The following PCDHGB3 variants were observed in gnomAD, a reference collection of about 807,000 sequenced individuals.
PCDHGB3 encodes protocadherin gamma-B3.
A neutral mutation model predicts 59.2 loss-of-function variants in PCDHGB3; 40 were observed. The ratio of observed to expected loss-of-function variants is 0.68; its 90% CI spans 0.52 to 0.88. The LOEUF is 0.88. Among genes scored for constraint, PCDHGB3 ranks in the 40% least tolerant of loss-of-function variants. The pLI, the probability that PCDHGB3 is intolerant of heterozygous loss-of-function variation, is 0.00. For missense variants in PCDHGB3, 1,309 were observed against 1,187.9 expected (o/e 1.10, Z -1.50); for synonymous variants, 581 against 503.6 (o/e 1.15, Z -2.06).
intron 1 of PCDHGB3, among the ~76,000 whole-genome samples, chr5:141,465,576 C>T (rs1002696285): frequency 6.6e-6 from 1 of 152,136 alleles, no homozygotes; most frequent in Non-Finnish European, 1.5e-5. Context: ...TCTCAAAACA[C>T]TCTCATAATA....
At chr5:141,422,714 C>T (rs2096666670) in intron 1 of PCDHGB3, 1 of 1,603,720 alleles carries the variant, frequency 6.2e-7, no homozygotes, top group South Asian at 1.1e-5. Flanking sequence ...ACGGATGACA[C>T]TGTCCAGGGG....
At chr5:141,451,812 C>T (rs974567828) in intron 1 of PCDHGB3, among the ~76,000 whole-genome samples, 1 of 149,686 alleles carries the variant, frequency 6.7e-6, no homozygotes, top group Non-Finnish European at 1.5e-5. Context: ...ACCCAGGAGG[C>T]GGAGGTTACA....
chr5:141,483,168 C>A (rs750259590), intron 1 of PCDHGB3, among the ~76,000 whole-genome samples: 3 of 152,104 alleles, frequency 2.0e-5, no homozygotes, highest in Non-Finnish European at 4.4e-5. Context: ...CCTGAGTTAC[C>A]TTTGGGCCAA....
At chr5:141,376,453 T>C (rs779136467) in intron 1 of PCDHGB3, 2 of 1,614,048 alleles carry the variant, frequency 1.2e-6, no homozygotes, top group African/African-American at 2.7e-5. Flanking sequence ...AAAGCGAGCC[T>C]CTTCTGATAA....
Position 141,489,601 on chromosome 5 carries a change from G to A in PCDHGB3, c.2416-5206G>A. On this transcript the variant is annotated intron_variant, in intron 1 of 3. Transcript: ENST00000576222. This position sits in a 1 kb window ranked among gnomAD's most constrained non-coding sequence, Gnocchi z 4.5. ...CCCCCTGGAGCTAATCCGTGTAGAG[G>A]TAGAGATCCTGGATCTCAATGACAA... 2 of 1,614,042 alleles carry A rather than the reference G, an allele frequency of 1.2e-6. No individual in the cohort carries two copies. Among genetic ancestry groups the A allele is most frequent in the East Asian group, 4.5e-5 (2 of 44,882 alleles).
chr5:141,450,210 G>T (rs2098673599), intron 1 of PCDHGB3, among the ~76,000 whole-genome samples: 1 of 151,786 alleles, frequency 6.6e-6, no homozygotes. Flanking sequence ...TAGAGACAAG[G>T]TTTCACTATG....
rs369529373 is a variant in PCDHGB3 at position 141,458,890 on chromosome 5, C to T, written c.2416-35917C>T. Among the ~76,000 whole-genome samples, 87 of 152,160 alleles carry T rather than the reference C, an allele frequency of 5.7e-4. 1 individual carries two copies. In the South Asian group the frequency reaches 0.016, roughly 28 times the overall value. ...TGGGACTACAGGCATGCACACCATG[C>T]GCAGCTAATTTTTTCTATTTTTTGT... On this transcript the variant is annotated intron_variant, in intron 1 of 3. Coordinates refer to ENST00000576222, the MANE Select transcript of PCDHGB3 (RefSeq NM_018924.5).
At chr5:141,402,091 G>A (rs1453803021) in intron 1 of PCDHGB3, among the ~76,000 whole-genome samples, 2 of 152,204 alleles carry the variant, frequency 1.3e-5, no homozygotes, top group African/African-American at 4.8e-5. Context: ...TAGCAGAAAA[G>A]TTTAAGCAAT....
At position 141,505,200 on chromosome 5, in the gene PCDHGB3, G is replaced by T. The variant is rs528060752; in HGVS notation, c.2475-193G>T. On this transcript the variant is annotated intron_variant, in intron 2 of 3. Transcript: ENST00000576222. ...AAAGCATCGGAGGCAGCAAAGAGCTGGTTTGAGGGACTGACTTGTGGGATT... is the reference window on the plus strand; with the variant it reads ...AAAGCATCGGAGGCAGCAAAGAGCTTGTTTGAGGGACTGACTTGTGGGATT... Among the ~76,000 whole-genome samples the T allele has an allele frequency of 6.6e-5, 10 of 152,244 alleles. No individual in the cohort carries two copies. The East Asian group carries it at 7.7e-4, about 12-fold the overall frequency.
In PCDHGB3 at chr5:141,431,627, C is replaced by T. The variant is rs769351473; in HGVS notation, c.2415+58818C>T. 2.5e-6 allele frequency: 4 copies of T among 1,614,076 alleles called. No homozygotes were observed. The South Asian group carries it at 4.4e-5, about 18-fold the overall frequency. On this transcript the variant is annotated intron_variant, in intron 1 of 3. Coordinates refer to ENST00000576222, the MANE Select transcript of PCDHGB3 (RefSeq NM_018924.5). The surrounding 1 kb of genome is among the most constrained non-coding windows in gnomAD (Gnocchi z 4.8). Reference sequence around the variant, plus strand: ...CCGGTATGTGGACGACAAGGCGGCCCAAGTTTTCAAACTAGATTGTAATTC... The same window carrying T: ...CCGGTATGTGGACGACAAGGCGGCCTAAGTTTTCAAACTAGATTGTAATTC...
chr5:141,510,428 G>A (rs1254357998), intron 3 of PCDHGB3, among the ~76,000 whole-genome samples: 2 of 152,092 alleles, frequency 1.3e-5, no homozygotes, highest in African/African-American at 4.8e-5. Flanking sequence ...TGGTTTCATG[G>A]CTGCTGCCCT....
intron 1 of PCDHGB3, chr5:141,407,957 G>C (rs1166490050): frequency 1.5e-6 from 1 of 660,376 alleles, no homozygotes; most frequent in African/African-American, 1.8e-5. Flanking sequence ...GGCCAGTGCA[G>C]AGCAAGCGCT....
chr5:141,493,141 C>T lies in PCDHGB3; in HGVS notation c.2416-1666C>T, dbSNP rs1327581425. On this transcript the variant is annotated intron_variant, in intron 1 of 3. Coordinates refer to ENST00000576222, the MANE Select transcript of PCDHGB3 (RefSeq NM_018924.5). This position sits in a 1 kb window ranked among gnomAD's most constrained non-coding sequence, Gnocchi z 4.3. ...CTCCTAGGACTGTATTTTGAAACAC[C>T]CCCAGGTGATTTTGATAGCTGATTG... Among the ~76,000 whole-genome samples the T allele has an allele frequency of 1.4e-5, 2 of 146,284 alleles. No homozygotes were observed. Among genetic ancestry groups the T allele is most frequent in the East Asian group, 2.0e-4 (1 of 5,022 alleles).
chr5:141,484,121 C>A (rs1451102473), intron 1 of PCDHGB3, among the ~76,000 whole-genome samples: 1 of 152,152 alleles, frequency 6.6e-6, no homozygotes, highest in African/African-American at 2.4e-5. Context: ...TCAAGAATAC[C>A]TTGGTGTCAG....
intron 1 of PCDHGB3, among the ~76,000 whole-genome samples, chr5:141,455,082 G>A (rs1323760148): frequency 1.3e-5 from 2 of 151,932 alleles, no homozygotes; most frequent in African/African-American, 2.4e-5. Context: ...AAAGTGCTGG[G>A]ATTACAGGCT....
At chr5:141,425,209 A>G (rs2096861765) in intron 1 of PCDHGB3, among the ~76,000 whole-genome samples, 1 of 152,180 alleles carries the variant, frequency 6.6e-6, no homozygotes, top group African/African-American at 2.4e-5. Context: ...GATGTAAGGC[A>G]TTGTACTTTG....
At chr5:141,408,373 T>C in intron 1 of PCDHGB3, 1 of 1,613,952 alleles carries the variant, frequency 6.2e-7, no homozygotes, top group Non-Finnish European at 8.5e-7. Flanking sequence ...TAGGGCTCAG[T>C]GTCCTGGATG....
chr5:141,467,535 G>C (rs2099145685), intron 1 of PCDHGB3, among the ~76,000 whole-genome samples: 1 of 152,176 alleles, frequency 6.6e-6, no homozygotes, highest in South Asian at 2.1e-4. Flanking sequence ...GCTGAGATAT[G>C]GATCTGATTA....
chr5:141,441,692 G>A (rs1165171238), intron 1 of PCDHGB3: 2 of 301,376 alleles, frequency 6.6e-6, no homozygotes, highest in Non-Finnish European at 1.3e-5. Context: ...AAGAGCAGCC[G>A]CGAGCCTTCA....
Sources: allele counts gnomAD v4.1 joint callset (sites outside exome capture counted in the v4.1 genomes callset), GRCh38; gene constraint gnomAD v4.1.1; non-coding constraint Gnocchi (gnomAD v3.1); transcripts MANE v1.5; gene names NCBI Gene and HGNC (gene_info 2026-07-23, HGNC 2026-07-21).